The following VWA3A variants were observed in gnomAD, a reference collection of about 807,000 sequenced individuals.
VWA3A encodes von Willebrand factor A domain containing 3A.
A neutral mutation model predicts 160.4 loss-of-function variants in VWA3A; 134 were observed. The ratio of observed to expected loss-of-function variants is 0.84; its 90% CI spans 0.73 to 0.96. The LOEUF is 0.96. Among genes scored for constraint, VWA3A ranks in the 40% least tolerant of loss-of-function variants. VWA3A has a pLI of 0.00. For missense variants in VWA3A, 1,310 were observed against 1,447.9 expected (o/e 0.90, Z 1.55); for synonymous variants, 476 against 543.4 (o/e 0.88, Z 1.72).
chr16:22,115,547 A>T, intron 9 of VWA3A, 75 bp downstream of exon 9: 1 of 1,470,476 alleles, frequency 6.8e-7, no homozygotes, highest in Non-Finnish European at 9.0e-7. Flanking sequence ...TTGAGAAAAG[A>T]TTGGCTTGTC....
chr16:22,143,751 T>TTC (rs1357029037), intron 25 of VWA3A, among the ~76,000 whole-genome samples: 17 of 77,258 alleles, frequency 2.2e-4, no homozygotes, highest in East Asian at 1.7e-3. Flanking sequence ...CTTTCTTTCT[T>TTC]TTTTTTTTTT....
Position 22,149,805 on chromosome 16 carries a change from T to C in VWA3A, c.3003T>C (p.Phe1001=), listed in dbSNP as rs770299354. ...KCCDSFNLLS[F]AESFQSWQDT... ...TCCCCAGTTTTAACCTGCTCAGCTT[T>C]GCAGAGAGCTTTCAGTCATGGCAGG... The change falls in exon 29 of 34, where the codon TTT becomes TTC. Residue 1001 remains phenylalanine, a synonymous_variant. Coordinates refer to ENST00000389398, the MANE Select transcript of VWA3A (RefSeq NM_173615.5). 2 of 1,607,130 alleles carry C rather than the reference T, an allele frequency of 1.2e-6. No homozygotes were observed. The highest frequency in any genetic ancestry group is 1.1e-5 in the South Asian group (1 of 90,296).
rs1303997801 is a variant in VWA3A at position 22,118,952 on chromosome 16, C to A, written c.1041C>A (p.Ala347=). The change falls in exon 12 of 34, where the codon GCC becomes GCA. Residue 347 remains alanine (A), a synonymous_variant. Transcript: ENST00000389398. ...AGCTCCTGGCAGAAATTCAGAAGGCCCAGAGCCTCCTCAGCCACGTGCAAG... is the reference window on the plus strand; with the variant it reads ...AGCTCCTGGCAGAAATTCAGAAGGCACAGAGCCTCCTCAGCCACGTGCAAG... The part of the protein sequence containing the change: ...MDELLAEIQK[A]QSLLSHVQAL... 6 of 1,613,808 alleles carry A rather than the reference C, an allele frequency of 3.7e-6. No homozygotes were observed. Among genetic ancestry groups the A allele is most frequent in the Non-Finnish European group, 5.1e-6 (6 of 1,179,878 alleles).
intron 28 of VWA3A, 49 bp from the exon 29 acceptor site, chr16:22,149,738 C>A: frequency 6.5e-7 from 1 of 1,546,718 alleles, no homozygotes; most frequent in Non-Finnish European, 8.8e-7. Context: ...TCTAACCAAT[C>A]TCTTTCTCCC....
chr16:22,126,865 A>G (rs2045858496), intron 17 of VWA3A, among the ~76,000 whole-genome samples: 1 of 151,816 alleles, frequency 6.6e-6, no homozygotes, highest in Admixed American at 6.6e-5. Flanking sequence ...AAATAAAATT[A>G]TATGTATACA....
intron 27 of VWA3A, chr16:22,147,791 G>T: frequency 1.5e-6 from 1 of 649,810 alleles, no homozygotes; most frequent in South Asian, 1.7e-5. Context: ...TCACATACCA[G>T]TACACACCCA....
At chr16:22,146,100 G>A in intron 26 of VWA3A, 136 bp from the exon 27 acceptor site, 2 of 686,190 alleles carry the variant, frequency 2.9e-6, no homozygotes, top group Non-Finnish European at 5.0e-6. Context: ...GGGATTACAG[G>A]CATGAGCCAC....
rs373838414 is a variant in VWA3A at position 22,132,976 on chromosome 16, G to T, written c.1949G>T (p.Gly650Val). The change falls in exon 20 of 34, where the codon GGC (glycine) becomes GTC (valine). Residue 650 changes from glycine (G) to valine (V), a missense_variant. By Grantham distance (109) the Gly-to-Val change is moderately radical (BLOSUM62 -3). Transcript: ENST00000389398. ...CTGAACGTGTGTCTCTTCTACGTGGGCGAGCCAAAGATGGACACCACACCC... is the reference window on the plus strand; with the variant it reads ...CTGAACGTGTGTCTCTTCTACGTGGTCGAGCCAAAGATGGACACCACACCC... ...LQLNVCLFYV[G>V]EPKMDTTPPA... 2.5e-5 allele frequency: 41 copies of T among 1,613,850 alleles called. No individual in the cohort carries two copies. Among genetic ancestry groups the T allele is most frequent in the Admixed American group, 6.7e-5 (4 of 59,992 alleles).
chr16:22,112,223 C>T (rs1209820151), intron 8 of VWA3A, among the ~76,000 whole-genome samples: 1 of 152,032 alleles, frequency 6.6e-6, no homozygotes, highest in African/African-American at 2.4e-5. Context: ...ATTTATTTTC[C>T]GTGAAGGGAA....
rs2141970232 is a variant in VWA3A, at chr16:22,134,438, G to T, written c.2139G>T (p.Lys713Asn). ...EMEKALNYSQKCAFLMASLKN... is the reference protein window; with the variant it reads ...EMEKALNYSQNCAFLMASLKN... ...AAAAGGCTCTCAACTACTCCCAAAA[G>T]GTATGCCCTGGGCATGGGCCAATGA... Residue 713 changes from lysine (K) to asparagine (N), a missense_variant and splice_region_variant, in exon 21 of 34, where the codon AAG (lysine) becomes AAT (asparagine). Transcript: ENST00000389398. 2 of 1,587,144 alleles carry T rather than the reference G, an allele frequency of 1.3e-6. No homozygotes were observed. The highest frequency in any genetic ancestry group is 2.3e-5 in the East Asian group (1 of 43,930).
At chr16:22,108,477 G>T (rs1402387544) in intron 6 of VWA3A, among the ~76,000 whole-genome samples, 1 of 152,166 alleles carries the variant, frequency 6.6e-6, no homozygotes, top group African/African-American at 2.4e-5. Flanking sequence ...AGTAGACTCT[G>T]CATGGAAAGA....
In VWA3A at chr16:22,097,565, T is replaced by C; in HGVS notation, c.102-7T>C. 1 of 1,551,302 alleles carries C rather than the reference T, an allele frequency of 6.4e-7. No individual in the cohort carries two copies. On this transcript the variant is annotated splice_region_variant and splice_polypyrimidine_tract_variant and intron_variant, in intron 2 of 33. Coordinates refer to ENST00000389398, the MANE Select transcript of VWA3A (RefSeq NM_173615.5). ...GGGCATTGATCAAATTACTTTATGT[T>C]TTGTAGCATTAGGAGAAACACTGGC...
chr16:22,116,308 AAG>A (rs1283931342), intron 9 of VWA3A: 27 of 432,534 alleles, frequency 6.2e-5, no homozygotes, highest in South Asian at 1.9e-4. Flanking sequence ...AGAGAGAAAA[AAG>A]AGAAAGGAAG....
intron 8 of VWA3A, among the ~76,000 whole-genome samples, chr16:22,113,199 T>C (rs1379550671): frequency 6.6e-6 from 1 of 151,932 alleles, no homozygotes; most frequent in Non-Finnish European, 1.5e-5. Flanking sequence ...TCTTTTTGTT[T>C]GTTTGTTTTT....
chr16:22,126,433 T>G, intron 17 of VWA3A, 136 bp downstream of exon 17: 1 of 1,272,308 alleles, frequency 7.9e-7, no homozygotes, highest in East Asian at 2.5e-5. Context: ...TAGCCATCGG[T>G]TTATCTGATT....
At position 22,116,861 on chromosome 16, in the gene VWA3A, GC is replaced by G; in HGVS notation, c.923del (p.Pro308LeufsTer4). On this transcript the variant is annotated frameshift_variant, in exon 10 of 34. Transcript: ENST00000389398. LOFTEE classifies it high-confidence loss of function. ...TCACCTACAGATGCGATGATCAGAT[GC>G]CCCCTGTGAGTGCCCGAGATTCTCT... ...FITYRCDDQM[P>X]PAVLKNLAEA... is the part of the protein sequence containing the mutation. 6.2e-7 allele frequency: 1 copy of G among 1,612,538 alleles called. No homozygotes were observed. The highest frequency in any genetic ancestry group is 8.5e-7 in the Non-Finnish European group (1 of 1,179,512).
At chr16:22,148,420 C>T in intron 28 of VWA3A, 114 bp downstream of exon 28, 1 of 1,375,606 alleles carries the variant, frequency 7.3e-7, no homozygotes, top group Non-Finnish European at 9.7e-7. Flanking sequence ...AGATGCTCTT[C>T]TGAGTAACGC....
At chr16:22,123,487 C>T (rs1477872958) in intron 15 of VWA3A, 126 bp from the exon 16 acceptor site, 3 of 1,583,466 alleles carry the variant, frequency 1.9e-6, no homozygotes, top group African/African-American at 1.3e-5. Context: ...AATGATTATA[C>T]TGCCTGGATT....
chr16:22,125,043 C>G (rs2045818276), intron 16 of VWA3A, among the ~76,000 whole-genome samples: 1 of 152,060 alleles, frequency 6.6e-6, no homozygotes, highest in Admixed American at 6.5e-5. Context: ...CACCTAATTC[C>G]TTATGTTACT....
Sources: gnomAD v4.1 joint callset for allele counts (sites outside exome capture counted in the v4.1 genomes callset) on GRCh38, gnomAD v4.1.1 for gene constraint, MANE v1.5 for transcripts, NCBI Gene and HGNC (gene_info 2026-07-23, HGNC 2026-07-21) for gene names.